NOL4: variants seen among roughly 807,000 people sequenced by gnomAD.
NOL4 encodes the protein cancer/testis antigen 125.
In NOL4, 17 loss-of-function variants were observed where a neutral mutation model predicts 75.9. The ratio of observed to expected loss-of-function variants is 0.22; its 90% CI spans 0.15 to 0.34. The LOEUF (loss-of-function observed/expected upper bound fraction) is 0.34, where lower values mean the gene tolerates loss of function less well. Among genes scored for constraint, NOL4 ranks in the 10% least tolerant of loss-of-function variants. The probability of loss-of-function intolerance (pLI) is 1.00; values close to 1 mark genes in which losing one functional copy is unlikely to be tolerated. For synonymous variants in NOL4, 292 were observed against 289.9 expected, an observed-to-expected ratio of 1.01 and a Z score of -0.07; for missense variants, 614 against 793.5, an observed-to-expected ratio of 0.77 and a Z score of 2.72.
intron 1 of NOL4, among the ~76,000 whole-genome samples, chr18:34,201,335 G>T (rs182459997): frequency 6.6e-6 from 1 of 151,846 alleles, no homozygotes; most frequent in Admixed American, 6.6e-5. Context: ...GAGGCACAGA[G>T]ACATTAAGTA....
chr18:34,216,818 T>G (rs1004821651), intron 1 of NOL4, among the ~76,000 whole-genome samples: 2 of 151,924 alleles, frequency 1.3e-5, no homozygotes. Flanking sequence ...TTTCTTAATC[T>G]TTTCCATTAA....
In NOL4 at chr18:33,883,441, C is replaced by T. The variant is rs768992007; in HGVS notation, c.1543-17G>A. ...AGACTCATCCTGCAAGGACAGACAG[C>T]ATTCCATTATTTATCACCTCACAGT... On this transcript the variant is annotated splice_polypyrimidine_tract_variant and intron_variant, in intron 9 of 10. Coordinates refer to ENST00000261592, the MANE Select transcript of NOL4 (RefSeq NM_003787.5). 8.2e-6 allele frequency: 13 copies of T among 1,588,468 alleles called. No homozygotes were observed. The Admixed American group carries it at 1.4e-4, about 18-fold the overall frequency.
chr18:33,859,461 T>TC (rs1477288312), intron 10 of NOL4, among the ~76,000 whole-genome samples: 3 of 152,200 alleles, frequency 2.0e-5, no homozygotes, highest in Admixed American at 6.5e-5. Flanking sequence ...TTTTCTGGTG[T>TC]AACTTTTTTT....
chr18:34,008,371 G>GTCTATCTATCTATCTATCTA (rs10656153), intron 6 of NOL4, among the ~76,000 whole-genome samples: 21 of 147,682 alleles, frequency 1.4e-4, no homozygotes, highest in East Asian at 6.1e-4. Flanking sequence ...CTATCTGTCT[G>GTCTATCTATCTATCTATCTA]TCTATCTATC....
chr18:33,993,901 T>A (rs904056005), intron 6 of NOL4, among the ~76,000 whole-genome samples: 8 of 151,646 alleles, frequency 5.3e-5, no homozygotes, highest in South Asian at 2.1e-4. Flanking sequence ...ACAACTTTTT[T>A]AAAAGTGAAA....
At chr18:33,938,782 T>C (rs1265961815) in intron 9 of NOL4, among the ~76,000 whole-genome samples, 1 of 152,176 alleles carries the variant, frequency 6.6e-6, no homozygotes, top group African/African-American at 2.4e-5. Flanking sequence ...TTAGTTTAAT[T>C]AGATGCCATT....
chr18:34,090,094 G>A (rs1213411283), intron 5 of NOL4, among the ~76,000 whole-genome samples: 1 of 152,098 alleles, frequency 6.6e-6, no homozygotes, highest in Admixed American at 6.6e-5. Context: ...GTGTGTATTT[G>A]TAAACAGGAA....
At position 33,957,316 on chromosome 18, in the gene NOL4, C is replaced by T. The variant is rs2069726886; in HGVS notation, c.1428+10G>A. On this transcript the variant is annotated intron_variant, in intron 8 of 10. Transcript: ENST00000261592. ...TGGAGTCTAGGGCTGTGTTTTAATT[C>T]AAAACTCACCATCTCAAAACCACTT... 1 of 1,604,748 alleles carries T rather than the reference C, an allele frequency of 6.2e-7. No individual in the cohort carries two copies. Among genetic ancestry groups the T allele is most frequent in the South Asian group, 1.1e-5 (1 of 89,698 alleles).
intron 4 of NOL4, among the ~76,000 whole-genome samples, chr18:34,102,244 G>T (rs2079074234): frequency 6.6e-6 from 1 of 152,040 alleles, no homozygotes; most frequent in South Asian, 2.1e-4. Context: ...CCCCACAAAA[G>T]ACAAAGATTT....
In NOL4 at chr18:34,212,157, T is replaced by C. The variant is rs981581016; in HGVS notation, c.264+10833A>G. On this transcript the variant is annotated intron_variant, in intron 1 of 10. Coordinates refer to ENST00000261592, the MANE Select transcript of NOL4 (RefSeq NM_003787.5). ...TATTCTACTCAAGAGATGAATGGAATATCATGAAGTAAATAATGATCAAAA... is the reference window on the plus strand; with the variant it reads ...TATTCTACTCAAGAGATGAATGGAACATCATGAAGTAAATAATGATCAAAA... 2.0e-4 allele frequency among the ~76,000 whole-genome samples: 30 copies of C among 152,172 alleles called. 1 individual carries two copies. The highest frequency in any genetic ancestry group is 8.5e-4 in the Admixed American group (13 of 15,278).
chr18:33,874,081 A>G (rs933270350), intron 10 of NOL4, among the ~76,000 whole-genome samples: 1 of 151,960 alleles, frequency 6.6e-6, no homozygotes, highest in African/African-American at 2.4e-5. Flanking sequence ...AACTGGATAC[A>G]AAATCTGAAA....
chr18:33,894,000 A>G, intron 9 of NOL4, among the ~76,000 whole-genome samples: 1 of 152,114 alleles, frequency 6.6e-6, no homozygotes, highest in East Asian at 1.9e-4. Flanking sequence ...TTTGTAATCT[A>G]TATGAAAAAG....
At chr18:34,152,653 C>A (rs781662314) in intron 1 of NOL4, among the ~76,000 whole-genome samples, 1 of 151,802 alleles carries the variant, frequency 6.6e-6, no homozygotes, top group South Asian at 2.1e-4. Flanking sequence ...CGACAGCAAA[C>A]CTCTCAATAG....
At chr18:34,087,265 GA>G (rs2078285290) in intron 5 of NOL4, among the ~76,000 whole-genome samples, 1 of 152,020 alleles carries the variant, frequency 6.6e-6, no homozygotes, top group Non-Finnish European at 1.5e-5. Context: ...TAGGATATAA[GA>G]AAAAGTGAAA....
intron 10 of NOL4, among the ~76,000 whole-genome samples, chr18:33,877,232 C>A (rs2063982715): frequency 6.6e-6 from 1 of 151,614 alleles, no homozygotes; most frequent in Non-Finnish European, 1.5e-5. Context: ...ATATAAGAAC[C>A]AAAGCAGGAA....
chr18:34,114,993 C>T (rs1177777750), intron 2 of NOL4, among the ~76,000 whole-genome samples: 1 of 151,998 alleles, frequency 6.6e-6, no homozygotes, highest in African/African-American at 2.4e-5. Flanking sequence ...TATTTTTTAA[C>T]CTTGAATTGA....
chr18:34,144,858 T>C (rs991280350), intron 1 of NOL4, among the ~76,000 whole-genome samples: 2 of 152,152 alleles, frequency 1.3e-5, no homozygotes, highest in African/African-American at 2.4e-5. Context: ...CTCTTCTCCT[T>C]ATAGGATCTA....
intron 5 of NOL4, among the ~76,000 whole-genome samples, chr18:34,046,356 G>A (rs952469197): frequency 4.0e-5 from 6 of 151,820 alleles, no homozygotes; most frequent in East Asian, 1.9e-4. Context: ...AAGAGCAGAC[G>A]GGGCCAAACC....
chr18:33,903,856 C>T (rs2065881050), intron 9 of NOL4, among the ~76,000 whole-genome samples: 1 of 152,118 alleles, frequency 6.6e-6, no homozygotes, highest in Admixed American at 6.6e-5. Context: ...GCACTGCAAA[C>T]ATACTGCTGT....
Sources: gnomAD v4.1 joint callset for allele counts (sites outside exome capture counted in the v4.1 genomes callset) on GRCh38, gnomAD v4.1.1 for gene constraint, MANE v1.5 for transcripts, NCBI Gene and HGNC (gene_info 2026-07-23, HGNC 2026-07-21) for gene names.